Variants in PTPN13 observed in about 807,000 individuals in gnomAD.
The protein encoded by PTPN13 is protein tyrosine phosphatase non-receptor type 13.
Under a neutral mutation model 284.0 loss-of-function variants are expected in PTPN13, and 191 were observed. That is an observed-to-expected ratio of 0.67 (90% CI 0.60 to 0.76). The LOEUF (loss-of-function observed/expected upper bound fraction) is 0.76. PTPN13 is among the 30% of genes least tolerant of loss of function. The pLI is 0.00. For missense variants in PTPN13, 2,797 were observed against 2,939.9 expected (o/e 0.95, Z 1.12); for synonymous variants, 986 against 1,022.3 (o/e 0.96, Z 0.68).
intron 2 of PTPN13, among the ~76,000 whole-genome samples, chr4:86,640,019 A>G (rs1723589093): frequency 6.6e-6 from 1 of 152,174 alleles, no homozygotes; most frequent in Admixed American, 6.6e-5. Flanking sequence ...AGATGTAGGG[A>G]TAACTACTGA....
chr4:86,811,173 T>C, intron 47 of PTPN13, 65 bp downstream of exon 47: 1 of 1,455,962 alleles, frequency 6.9e-7, no homozygotes, highest in South Asian at 1.4e-5. Flanking sequence ...TTAAGGTTCT[T>C]ATTAAACCAT....
intron 7 of PTPN13, among the ~76,000 whole-genome samples, chr4:86,711,098 CTT>C (rs58186398): frequency 5.8e-4 from 56 of 97,102 alleles, no homozygotes; most frequent in African/African-American, 1.6e-3. Flanking sequence ...TAATTATTGC[CTT>C]TTTTTTTTTT....
rs1328196355 is a variant in PTPN13, at chr4:86,642,643, C to T, written c.115+7272C>T. On this transcript the variant is annotated intron_variant, in intron 2 of 47. Transcript: ENST00000411767. The stretch of plus-strand genomic sequence containing the variant: ...AATTTTTTTGTATTTTTTGTAGAGA[C>T]GGGGTTTCACCATGTTGGCCAGGCT... Among the ~76,000 whole-genome samples, 6 of 151,450 alleles carry T rather than the reference C, an allele frequency of 4.0e-5. No individual in the cohort carries two copies. The East Asian group carries it at 7.8e-4, about 20-fold the overall frequency.
chr4:86,734,207 C>G lies in PTPN13; in HGVS notation c.1859-96C>G, dbSNP rs1735247051. 4.2e-6 allele frequency: 4 copies of G among 958,428 alleles called. No homozygotes were observed. The South Asian group carries it at 8.4e-5, about 20-fold the overall frequency. The allele number at this position is 958,428 out of a possible 1,614,324, so 59.4% of individuals were successfully genotyped here. A position where few individuals can be genotyped will look rare whatever the true frequency, so the allele number is the denominator to read the frequency against. Reference sequence around the variant, plus strand: ...CTTGTATTTATATTCTCATATGATACTCTTTTATGCAAGTCTGACCAAAAA... The same window carrying G: ...CTTGTATTTATATTCTCATATGATAGTCTTTTATGCAAGTCTGACCAAAAA... On this transcript the variant is annotated intron_variant, in intron 12 of 47. Transcript: ENST00000411767.
At chr4:86,792,495 G>A (rs10016082) in intron 40 of PTPN13, among the ~76,000 whole-genome samples, 15,144 of 152,152 alleles carry the variant, frequency 0.1, 874 homozygotes, top group Non-Finnish European at 0.11. Context: ...TCAAATTCAG[G>A]AAATACAGAG....
At chr4:86,777,265 G>T (rs1195002417) in intron 35 of PTPN13, among the ~76,000 whole-genome samples, 1 of 152,092 alleles carries the variant, frequency 6.6e-6, no homozygotes, top group East Asian at 1.9e-4. Flanking sequence ...TAGGTCCCAG[G>T]AGAAAATCTA....
intron 6 of PTPN13, among the ~76,000 whole-genome samples, chr4:86,698,166 G>A (rs113977578): frequency 1.3e-5 from 2 of 152,122 alleles, no homozygotes; most frequent in African/African-American, 2.4e-5. Context: ...AGATGTCTTT[G>A]AGAATTTAAA....
chr4:86,812,137 C>T (rs1745275451), intron 47 of PTPN13, among the ~76,000 whole-genome samples: 1 of 151,260 alleles, frequency 6.6e-6, no homozygotes, highest in South Asian at 2.1e-4. Flanking sequence ...GGTGAAACCC[C>T]GTCTCTACTA....
At chr4:86,730,237 T>C (rs1054214023) in intron 10 of PTPN13, among the ~76,000 whole-genome samples, 1 of 149,724 alleles carries the variant, frequency 6.7e-6, no homozygotes, top group Admixed American at 6.7e-5. Flanking sequence ...ATGAGGTGTC[T>C]GTCAGCCTCT....
chr4:86,814,892 C>T lies in PTPN13; in HGVS notation c.*341C>T, dbSNP rs1457808501. 5.7e-6 allele frequency: 1 copy of T among 175,670 alleles called. No homozygotes were observed. Among genetic ancestry groups the T allele is most frequent in the Non-Finnish European group, 1.2e-5 (1 of 83,532 alleles). 10.9% of individuals were successfully genotyped at this position (175,670 alleles called of 1,614,324 possible). Reference sequence around the variant, plus strand: ...ATCTTGTTTATAGCAAAAATGTTTTCCAATATTTTAATAAAGTAGTTATTT... The same window carrying T: ...ATCTTGTTTATAGCAAAAATGTTTTTCAATATTTTAATAAAGTAGTTATTT... On this transcript the variant is annotated 3_prime_UTR_variant, in exon 48 of 48. Transcript: ENST00000411767.
At chr4:86,607,897 T>C (rs1764931812) in intron 1 of PTPN13, among the ~76,000 whole-genome samples, 1 of 152,000 alleles carries the variant, frequency 6.6e-6, no homozygotes, top group African/African-American at 2.4e-5. Flanking sequence ...GTAAAGATAA[T>C]GAAGTGCCCT....
intron 9 of PTPN13, among the ~76,000 whole-genome samples, chr4:86,720,435 T>A (rs1344481426): frequency 2.0e-5 from 3 of 152,156 alleles, no homozygotes; most frequent in Non-Finnish European, 4.4e-5. Context: ...CCATGTGGTA[T>A]TCATAGCATC....
chr4:86,696,983 C>T (rs749417250), intron 6 of PTPN13, among the ~76,000 whole-genome samples: 5 of 151,916 alleles, frequency 3.3e-5, no homozygotes, highest in Non-Finnish European at 5.9e-5. Flanking sequence ...ATTCATAAAA[C>T]CTCATTTTAA....
chr4:86,674,706 A>G (rs1728087319), intron 3 of PTPN13, among the ~76,000 whole-genome samples: 1 of 152,210 alleles, frequency 6.6e-6, no homozygotes, highest in Non-Finnish European at 1.5e-5. Flanking sequence ...ATTTCCCATT[A>G]CATAAGATGA....
At chr4:86,599,782 G>A (rs1764135998) in intron 1 of PTPN13, among the ~76,000 whole-genome samples, 1 of 151,830 alleles carries the variant, frequency 6.6e-6, no homozygotes, top group Non-Finnish European at 1.5e-5. Flanking sequence ...TCTTTCCTCA[G>A]TCTTTTGTAC....
At chr4:86,720,517 T>C (rs1180503568) in intron 9 of PTPN13, among the ~76,000 whole-genome samples, 1 of 152,198 alleles carries the variant, frequency 6.6e-6, no homozygotes, top group Non-Finnish European at 1.5e-5. Context: ...GTATGTATTA[T>C]CTAATGTTAA....
rs749733308 is a variant in PTPN13, at chr4:86,763,126, G to C, written c.3953G>C (p.Arg1318Pro). 4 of 1,613,324 alleles carry C rather than the reference G, an allele frequency of 2.5e-6. No individual in the cohort carries two copies. Among genetic ancestry groups the C allele is most frequent in the Non-Finnish European group, 3.4e-6 (4 of 1,179,842 alleles). ...TCTGATGTAACTGATTACTCAGACC[G>C]TGGAGATTCAGACATGGATGAAGCC... The part of the protein sequence containing the change: ...GISDVTDYSD[R>P]GDSDMDEATY... Residue 1318 changes from arginine to proline, a missense_variant, in exon 24 of 48, where the codon CGT (arginine) becomes CCT (proline). Arg to Pro is a moderately radical substitution (Grantham distance 103, BLOSUM62 -2). Coordinates refer to ENST00000411767, the MANE Select transcript of PTPN13 (RefSeq NM_080683.3).
chr4:86,807,733 A>G lies in PTPN13; in HGVS notation c.6919A>G (p.Met2307Val), dbSNP rs761708222. 5.6e-6 allele frequency: 9 copies of G among 1,614,064 alleles called. No homozygotes were observed. In the Admixed American group the frequency reaches 1.0e-4, roughly 18 times the overall value. ...GGAGCAAAAATCCACAGTGATAGCC[A>G]TGATGACTCAAGAAGTAGAAGGAGA... ...IWEQKSTVIA[M>V]MTQEVEGEKI... is the part of the protein sequence containing the mutation. The change falls in exon 45 of 48, where the codon ATG becomes GTG. Residue 2307 changes from methionine (M) to valine (V), a missense_variant. Coordinates refer to ENST00000411767, the MANE Select transcript of PTPN13 (RefSeq NM_080683.3).
At chr4:86,637,254 G>A (rs1723134680) in intron 2 of PTPN13, among the ~76,000 whole-genome samples, 1 of 151,674 alleles carries the variant, frequency 6.6e-6, no homozygotes, top group Non-Finnish European at 1.5e-5. Flanking sequence ...AGAGGTACAA[G>A]GAGGAACTGG....
Sources: allele counts gnomAD v4.1 joint callset (sites outside exome capture counted in the v4.1 genomes callset), GRCh38; gene constraint gnomAD v4.1.1; transcripts MANE v1.5; gene names NCBI Gene and HGNC (gene_info 2026-07-23, HGNC 2026-07-21).